Variants in RIMKLA observed in about 807,000 individuals in gnomAD.
RIMKLA encodes N-acetylaspartylglutamate synthase A.
Under a neutral mutation model 32.7 loss-of-function variants are expected in RIMKLA, and 14 were observed. The ratio of observed to expected loss-of-function variants is 0.43; its 90% CI spans 0.28 to 0.67. The LOEUF is 0.67. Ranked by LOEUF, RIMKLA falls within the 30% of genes least tolerant of loss-of-function variation. The pLI, the probability that RIMKLA is intolerant of heterozygous loss-of-function variation, is 0.18. For missense variants in RIMKLA, 410 were observed against 519.0 expected (o/e 0.79, Z 2.04); for synonymous variants, 176 against 204.1 (o/e 0.86, Z 1.18).
Position 42,420,991 on chromosome 1 carries a change from T to G in RIMKLA, c.*6017T>G, listed in dbSNP as rs1643290629. On this transcript the variant is annotated 3_prime_UTR_variant, in exon 5 of 5. Coordinates refer to ENST00000431473, the MANE Select transcript of RIMKLA (RefSeq NM_173642.4). ...GAGCAACACAAGCATCGCCTTCTTG[T>G]GATCATGGCTCAGTGCCAAGGGATA... 1 of 152,242 alleles carries G rather than the reference T, an allele frequency of 6.6e-6. No individual in the cohort carries two copies. Among genetic ancestry groups the G allele is most frequent in the African/African-American group, 2.4e-5 (1 of 41,454 alleles). The allele number at this position is 152,242 out of a possible 1,614,324, so 9.4% of individuals were successfully genotyped here. A position where few individuals can be genotyped will look rare whatever the true frequency, so the allele number is the denominator to read the frequency against.
chr1:42,382,996 T>C (rs1347641921), intron 1 of RIMKLA, among the ~76,000 whole-genome samples: 1 of 151,938 alleles, frequency 6.6e-6, no homozygotes, highest in Admixed American at 6.6e-5. Flanking sequence ...TAGCTGGGAT[T>C]ACAGGCATGT....
Position 42,399,639 on chromosome 1 carries a change from G to A in RIMKLA, c.394+5G>A. 2.6e-6 allele frequency: 4 copies of A among 1,567,788 alleles called. No homozygotes were observed. The highest frequency in any genetic ancestry group is 3.5e-6 in the Non-Finnish European group (4 of 1,145,158). On this transcript the variant is annotated splice_donor_5th_base_variant and intron_variant, in intron 2 of 4. Transcript: ENST00000431473. The stretch of plus-strand genomic sequence containing the variant: ...TGCCAGACACCTTCTCCTATGGTGA[G>A]TCAGCTTGAAATAGCTTCCCAAATC...
chr1:42,412,476 A>C, intron 4 of RIMKLA: 2 of 351,418 alleles, frequency 5.7e-6, no homozygotes, highest in Non-Finnish European at 5.6e-6. Flanking sequence ...CCATGATGCC[A>C]GCTGAGGTTG....
chr1:42,386,256 C>T (rs1203388787), intron 1 of RIMKLA, among the ~76,000 whole-genome samples: 1 of 151,810 alleles, frequency 6.6e-6, no homozygotes, highest in Non-Finnish European at 1.5e-5. Context: ...CCTGTTGCAG[C>T]TACCAGAACA....
rs1018074510 is a variant in RIMKLA at position 42,423,836 on chromosome 1, T to C, written c.*8862T>C. The stretch of plus-strand genomic sequence containing the variant: ...CACTTCTTAAATCTGGTGAGAGGCT[T>C]CTCTCAAAAATGATCGCTCTTCCAC... On this transcript the variant is annotated 3_prime_UTR_variant, in exon 5 of 5. Transcript: ENST00000431473. Among the ~76,000 whole-genome samples the C allele has an allele frequency of 2.6e-5, 4 of 152,188 alleles. No homozygotes were observed. The highest frequency in any genetic ancestry group is 4.4e-5 in the Non-Finnish European group (3 of 68,044).
intron 1 of RIMKLA, among the ~76,000 whole-genome samples, chr1:42,383,072 G>T (rs1642903259): frequency 6.6e-6 from 1 of 150,606 alleles, no homozygotes; most frequent in African/African-American, 2.4e-5. Context: ...TTTTAGTAGA[G>T]ACAGAGTTTC....
chr1:42,421,968 A>T lies in RIMKLA; in HGVS notation c.*6994A>T, dbSNP rs944806488. On this transcript the variant is annotated 3_prime_UTR_variant, in exon 5 of 5. Coordinates refer to ENST00000431473, the MANE Select transcript of RIMKLA (RefSeq NM_173642.4). The surrounding 1 kb of genome is among the most constrained non-coding windows in gnomAD (Gnocchi z 4.6). ...CTCTTCCCAACCTGAACATTCAGTG[A>T]CATCACATCAGTAGCTGGGGAATCG... 9 of 152,216 alleles carry T rather than the reference A, an allele frequency of 5.9e-5. No homozygotes were observed. Among genetic ancestry groups the T allele is most frequent in the Admixed American group, 6.5e-5 (1 of 15,280 alleles). 9.4% of individuals were successfully genotyped at this position (152,216 alleles called of 1,614,324 possible).
intron 1 of RIMKLA, among the ~76,000 whole-genome samples, chr1:42,382,256 A>G (rs1642895866): frequency 6.6e-6 from 1 of 152,232 alleles, no homozygotes; most frequent in African/African-American, 2.4e-5. Context: ...TTTAATCTAC[A>G]ACAATGACTA....
intron 2 of RIMKLA, among the ~76,000 whole-genome samples, 171 bp downstream of exon 2, chr1:42,399,805 T>C (rs1004847892): frequency 1.3e-5 from 2 of 152,220 alleles, no homozygotes. Flanking sequence ...GCGTCTTCCC[T>C]TCTGTAAGTT....
Position 42,409,967 on chromosome 1 carries a change from T to C in RIMKLA, c.482-17T>C. 6.2e-7 allele frequency: 1 copy of C among 1,604,892 alleles called. No individual in the cohort carries two copies. Among genetic ancestry groups the C allele is most frequent in the Non-Finnish European group, 8.5e-7 (1 of 1,171,648 alleles). On this transcript the variant is annotated splice_polypyrimidine_tract_variant and intron_variant, in intron 3 of 4. Coordinates refer to ENST00000431473, the MANE Select transcript of RIMKLA (RefSeq NM_173642.4). Reference sequence around the variant, plus strand: ...AGGCTTCTCTAACCCCTTCTCTTGCTCTTTTTCTTCTTAAAGGAAAAGCTG... The same window carrying C: ...AGGCTTCTCTAACCCCTTCTCTTGCCCTTTTTCTTCTTAAAGGAAAAGCTG...
At position 42,416,878 on chromosome 1, in the gene RIMKLA, G is replaced by GT. The variant is rs1468782492; in HGVS notation, c.*1906dup. The GT allele has an allele frequency of 1.3e-5, 2 of 152,230 alleles. No individual in the cohort carries two copies. The highest frequency in any genetic ancestry group is 6.5e-5 in the Admixed American group (1 of 15,280). 9.4% of individuals were successfully genotyped at this position (152,230 alleles called of 1,614,324 possible). A position where few individuals can be genotyped will look rare whatever the true frequency, so the allele number is the denominator to read the frequency against. ...TGTAATGGAGATGTCACACTACACA[G>GT]TTGTAGTTTAAATGCAGTCCAACAT... On this transcript the variant is annotated 3_prime_UTR_variant, in exon 5 of 5. Transcript: ENST00000431473.
intron 4 of RIMKLA, 60 bp from the exon 5 acceptor site, chr1:42,414,424 C>T: frequency 6.4e-7 from 1 of 1,570,712 alleles, no homozygotes; most frequent in Non-Finnish European, 8.7e-7. Context: ...CCTGTCTCTT[C>T]TTTGAAGAGT....
At position 42,385,836 on chromosome 1, in the gene RIMKLA, CTT is replaced by C. The variant is rs1439663997; in HGVS notation, c.163+4741_163+4742del. ...CCTTCCTTCCTTCCTTCCTTTCTTT[CTT>C]TCTTTCTCTTTCTTTCTTTCTTTCT... is the stretch of plus-strand genomic sequence containing the variant. On this transcript the variant is annotated intron_variant, in intron 1 of 4. Transcript: ENST00000431473. Among the ~76,000 whole-genome samples the C allele has an allele frequency of 1.6e-4, 11 of 67,702 alleles. 1 individual carries two copies. Among genetic ancestry groups the C allele is most frequent in the African/African-American group, 3.3e-4 (7 of 21,482 alleles). 44.4% of individuals were successfully genotyped at this position (67,702 alleles called of 152,430 possible). A position where few individuals can be genotyped will look rare whatever the true frequency, so the allele number is the denominator to read the frequency against.
intron 1 of RIMKLA, among the ~76,000 whole-genome samples, chr1:42,385,787 G>GTTTGTTTC (rs1553175479): frequency 2.4e-5 from 2 of 85,014 alleles, no homozygotes; most frequent in African/African-American, 7.8e-5. Context: ...TTGTTTGTTT[G>GTTTGTTTC]TTTCTTTCTT....
At position 42,415,066 on chromosome 1, in the gene RIMKLA, C is replaced by A; in HGVS notation, c.*92C>A. ...ATCTGGACTAATGTGATTTCATTTG[C>A]ACAGAAACTAGAAATCCCATCTGGG... is the stretch of plus-strand genomic sequence containing the variant. On this transcript the variant is annotated 3_prime_UTR_variant, in exon 5 of 5. Coordinates refer to ENST00000431473, the MANE Select transcript of RIMKLA (RefSeq NM_173642.4). 8.2e-6 allele frequency: 11 copies of A among 1,347,958 alleles called. No homozygotes were observed. The highest frequency in any genetic ancestry group is 1.1e-5 in the Non-Finnish European group (11 of 995,016). The allele number at this position is 1,347,958 out of a possible 1,614,324, so 83.5% of individuals were successfully genotyped here. A position where few individuals can be genotyped will look rare whatever the true frequency, so the allele number is the denominator to read the frequency against.
chr1:42,393,358 T>G (rs973925810), intron 1 of RIMKLA, among the ~76,000 whole-genome samples: 4 of 152,254 alleles, frequency 2.6e-5, no homozygotes, highest in African/African-American at 9.6e-5. Context: ...TTGTGTATCT[T>G]TCTCTGTGAG....
rs758397718 is a variant in RIMKLA at position 42,422,119 on chromosome 1, C to G, written c.*7145C>G. ...GCTGCTGGGAGACAGAGAGAAGAAA[C>G]TGATACACGTGAGCACTGAAACATC... On this transcript the variant is annotated 3_prime_UTR_variant, in exon 5 of 5. Transcript: ENST00000431473. The G allele has an allele frequency of 1.3e-5, 2 of 152,200 alleles. No individual in the cohort carries two copies. The highest frequency in any genetic ancestry group is 2.9e-5 in the Non-Finnish European group (2 of 68,046). The allele number at this position is 152,200 out of a possible 1,614,324, so 9.4% of individuals were successfully genotyped here.
chr1:42,416,635 AACAT>A lies in RIMKLA; in HGVS notation c.*1666_*1669del, dbSNP rs1249898402. 8 of 152,242 alleles carry A rather than the reference AACAT, an allele frequency of 5.3e-5. No homozygotes were observed. Among genetic ancestry groups the A allele is most frequent in the Non-Finnish European group, 4.4e-5 (3 of 68,048 alleles). 9.4% of individuals were successfully genotyped at this position (152,242 alleles called of 1,614,324 possible). ...GTGTAAGGTCAGCTTCACTGGAATA[AACAT>A]ACATCTTCCCAAGGTGACTACTTCA... is the stretch of plus-strand genomic sequence containing the variant. On this transcript the variant is annotated 3_prime_UTR_variant, in exon 5 of 5. Transcript: ENST00000431473.
In RIMKLA at chr1:42,382,690, A is replaced by G. The variant is rs553341363; in HGVS notation, c.163+1593A>G. Among the ~76,000 whole-genome samples the G allele has an allele frequency of 2.0e-4, 31 of 152,352 alleles. No individual in the cohort carries two copies. The South Asian group carries it at 5.2e-3, about 25-fold the overall frequency. ...AACCGTCACAAATTCTGTAAGAGCA[A>G]GAAAATGCTCTGTATCTAAAACCTC... is the stretch of plus-strand genomic sequence containing the variant. On this transcript the variant is annotated intron_variant, in intron 1 of 4. Transcript: ENST00000431473.
Sources: gnomAD v4.1 joint callset for allele counts (sites outside exome capture counted in the v4.1 genomes callset) on GRCh38, gnomAD v4.1.1 for gene constraint, Gnocchi (gnomAD v3.1) non-coding constraint, MANE v1.5 for transcripts, NCBI Gene and HGNC (gene_info 2026-07-23, HGNC 2026-07-21) for gene names.